RBPMS: variants seen among roughly 807,000 people sequenced by gnomAD.
RBPMS encodes the protein RNA binding protein, mRNA processing factor.
A neutral mutation model predicts 26.8 loss-of-function variants in RBPMS; 7 were observed. The observed-to-expected ratio is 0.26, with a 90% CI of 0.15 to 0.49. RBPMS has a LOEUF of 0.49. Among genes scored for constraint, RBPMS ranks in the 20% least tolerant of loss-of-function variants. The probability of loss-of-function intolerance (pLI) is 0.98; values close to 1 mark genes in which losing one functional copy is unlikely to be tolerated. For synonymous variants in RBPMS, 96 were observed against 93.3 expected, an observed-to-expected ratio of 1.03 and a Z score of -0.17; for missense variants, 186 against 250.0, an observed-to-expected ratio of 0.74 and a Z score of 1.73.
rs55914538 is a variant in RBPMS, at chr8:30,395,461, C to CA, written c.66+10330dup. ...GCCTGGACAGAGTGAGACTCTGTCT[C>CA]AAAAAAAAAAAAAAAAAAAAAAAAA... On this transcript the variant is annotated intron_variant, in intron 1 of 8. Transcript: ENST00000397323. 7.0e-3 allele frequency among the ~76,000 whole-genome samples: 308 copies of CA among 43,798 alleles called. 32 individuals are homozygous for CA. The highest frequency in any genetic ancestry group is 0.018 in the South Asian group (15 of 856). The allele number at this position is 43,798 out of a possible 152,430, so 28.7% of individuals were successfully genotyped here. A position where few individuals can be genotyped will look rare whatever the true frequency, so the allele number is the denominator to read the frequency against.
At chr8:30,522,974 A>T (rs1823216945) in intron 5 of RBPMS, among the ~76,000 whole-genome samples, 1 of 152,186 alleles carries the variant, frequency 6.6e-6, no homozygotes, top group South Asian at 2.1e-4. Context: ...TTTCAGGTGG[A>T]TACTTTCCTC....
intron 1 of RBPMS, among the ~76,000 whole-genome samples, chr8:30,456,956 T>G (rs2150764896): frequency 6.6e-6 from 1 of 152,302 alleles, no homozygotes; most frequent in South Asian, 2.1e-4. Context: ...TTCAGAACCT[T>G]TGGCACAACA....
At chr8:30,544,813 A>G (rs1825736886) in intron 6 of RBPMS, 189 bp downstream of exon 6, 2 of 1,552,728 alleles carry the variant, frequency 1.3e-6, no homozygotes, top group Non-Finnish European at 8.7e-7. Flanking sequence ...CAGCAATGAT[A>G]TCACCCACTG....
At chr8:30,414,551 T>A (rs1809834796) in intron 1 of RBPMS, among the ~76,000 whole-genome samples, 1 of 152,196 alleles carries the variant, frequency 6.6e-6, no homozygotes, top group African/African-American at 2.4e-5. Context: ...TCACTGGTCA[T>A]GAGGCCGGAG....
In RBPMS at chr8:30,419,067, G is replaced by GAAA. The variant is rs1284042952; in HGVS notation, c.66+33922_66+33924dup. On this transcript the variant is annotated intron_variant, in intron 1 of 8. Coordinates refer to ENST00000397323, the MANE Select transcript of RBPMS (RefSeq NM_001008710.3). The stretch of plus-strand genomic sequence containing the variant: ...CATAGAAAATCCAAGATTATCAGTT[G>GAAA]AAAAAAAAAAAAAAACAGAACTAAT... Among the ~76,000 whole-genome samples, 3 of 113,168 alleles carry GAAA rather than the reference G, an allele frequency of 2.7e-5. No homozygotes were observed. In the East Asian group the frequency reaches 8.4e-4, roughly 32 times the overall value. The allele number at this position is 113,168 out of a possible 152,430, so 74.2% of individuals were successfully genotyped here.
Position 30,461,145 on chromosome 8 carries a change from C to A in RBPMS, c.67-13634C>A, listed in dbSNP as rs549711084. On this transcript the variant is annotated intron_variant, in intron 1 of 8. Coordinates refer to ENST00000397323, the MANE Select transcript of RBPMS (RefSeq NM_001008710.3). The stretch of plus-strand genomic sequence containing the variant: ...ACCCCTAACTACATAGCTTCTACTG[C>A]CTAGCTTTACCAACTGATACCAATC... 3.1e-4 allele frequency among the ~76,000 whole-genome samples: 47 copies of A among 152,054 alleles called. 1 individual carries two copies. In the South Asian group the frequency reaches 7.5e-3, roughly 24 times the overall value.
intron 4 of RBPMS, among the ~76,000 whole-genome samples, chr8:30,482,450 T>C (rs1190834020): frequency 6.6e-6 from 1 of 152,252 alleles, no homozygotes; most frequent in African/African-American, 2.4e-5. Flanking sequence ...TCTTGATTGC[T>C]ATCTGGTTCA....
At chr8:30,469,158 A>G (rs1233469297) in intron 1 of RBPMS, among the ~76,000 whole-genome samples, 4 of 152,242 alleles carry the variant, frequency 2.6e-5, no homozygotes, top group East Asian at 1.9e-4. Context: ...GCATTTTTCT[A>G]TTGCTTTTTA....
chr8:30,482,576 A>G (rs1337361301), intron 4 of RBPMS, among the ~76,000 whole-genome samples: 1 of 152,186 alleles, frequency 6.6e-6, no homozygotes, highest in Non-Finnish European at 1.5e-5. Flanking sequence ...ACATGCTCAG[A>G]TTGAATTAAG....
In RBPMS at chr8:30,434,425, C is replaced by T. The variant is rs111537550; in HGVS notation, c.67-40354C>T. ...ATAAGAACAAAAAAGAACAGCAAGC[C>T]GGGCACAGTGGCTCACACCTTTAAT... is the stretch of plus-strand genomic sequence containing the variant. On this transcript the variant is annotated intron_variant, in intron 1 of 8. Coordinates refer to ENST00000397323, the MANE Select transcript of RBPMS (RefSeq NM_001008710.3). Among the ~76,000 whole-genome samples, 963 of 152,156 alleles carry T rather than the reference C, an allele frequency of 6.3e-3. 13 individuals carry two copies. Among genetic ancestry groups the T allele is most frequent in the African/African-American group, 0.022 (906 of 41,496 alleles).
intron 5 of RBPMS, among the ~76,000 whole-genome samples, chr8:30,530,593 G>A (rs1269055953): frequency 6.6e-6 from 1 of 152,132 alleles, no homozygotes; most frequent in Admixed American, 6.5e-5. Context: ...CTCTCGAGTA[G>A]CTGGGATTAC....
chr8:30,497,966 T>C (rs530755241), intron 4 of RBPMS, among the ~76,000 whole-genome samples: 2 of 151,694 alleles, frequency 1.3e-5, no homozygotes, highest in Admixed American at 6.6e-5. Flanking sequence ...TTGAGTTTCA[T>C]TGGCTGTGGG....
At chr8:30,512,618 C>T (rs1821837672) in intron 5 of RBPMS, among the ~76,000 whole-genome samples, 1 of 152,134 alleles carries the variant, frequency 6.6e-6, no homozygotes, top group Admixed American at 6.5e-5. Context: ...CCTCAGCCTC[C>T]TGGCTAGTTT....
intron 7 of RBPMS, chr8:30,561,873 T>G (rs1827517738): frequency 2.0e-6 from 2 of 985,064 alleles, no homozygotes; most frequent in African/African-American, 3.5e-5. Context: ...GTTGCGTGGG[T>G]TCCAGTGACA....
At chr8:30,431,150 A>G (rs1811879697) in intron 1 of RBPMS, among the ~76,000 whole-genome samples, 1 of 152,160 alleles carries the variant, frequency 6.6e-6, no homozygotes, top group Non-Finnish European at 1.5e-5. Context: ...TGGGGAGCAC[A>G]TGGTATAACT....
At chr8:30,419,450 A>ATTGTGTGTGTGTGTGTGTGTG (rs1554509328) in intron 1 of RBPMS, among the ~76,000 whole-genome samples, 5,691 of 143,190 alleles carry the variant, frequency 0.04, 244 homozygotes, top group Non-Finnish European at 0.05. Context: ...CATCTCAAAA[A>ATTGTGTGTGTGTGTGTGTGTG]TGTGTGTGTG....
At chr8:30,542,467 A>C (rs912031328) in intron 5 of RBPMS, among the ~76,000 whole-genome samples, 12 of 151,986 alleles carry the variant, frequency 7.9e-5, no homozygotes, top group Non-Finnish European at 1.6e-4. Flanking sequence ...ACCTCTACCC[A>C]CCCCACCCCA....
chr8:30,407,895 A>C (rs1294560507), intron 1 of RBPMS, among the ~76,000 whole-genome samples: 1 of 142,246 alleles, frequency 7.0e-6, no homozygotes, highest in Non-Finnish European at 1.5e-5. Context: ...TTGCCAGTTT[A>C]GAGGTACTAG....
intron 1 of RBPMS, among the ~76,000 whole-genome samples, chr8:30,413,713 A>G (rs1218531681): frequency 6.6e-6 from 1 of 152,044 alleles, no homozygotes. Flanking sequence ...CCCCAGGTTC[A>G]AGCAATTCTC....
Sources: gnomAD v4.1 joint callset for allele counts (sites outside exome capture counted in the v4.1 genomes callset) on GRCh38, gnomAD v4.1.1 for gene constraint, MANE v1.5 for transcripts, NCBI Gene and HGNC (gene_info 2026-07-23, HGNC 2026-07-21) for gene names.